The following IMMP2L variants were observed in gnomAD, a reference collection of about 807,000 sequenced individuals.
IMMP2L encodes inner mitochondrial membrane peptidase subunit 2.
Under a neutral mutation model 19.3 loss-of-function variants are expected in IMMP2L, and 18 were observed. That is an observed-to-expected ratio of 0.93 (90% confidence interval 0.64 to 1.38). The LOEUF is 1.38. Among genes scored for constraint, IMMP2L ranks in the 40% most tolerant of loss-of-function variants. The probability of loss-of-function intolerance (pLI) is 0.00; values close to 1 mark genes in which losing one functional copy is unlikely to be tolerated. For synonymous variants in IMMP2L, 76 were observed against 73.0 expected (o/e 1.04, Z -0.21); for missense variants, 233 against 218.2 (o/e 1.07, Z -0.43).
At chr7:111,263,817 G>C (rs140859422) in intron 3 of IMMP2L, among the ~76,000 whole-genome samples, 1 of 152,162 alleles carries the variant, frequency 6.6e-6, no homozygotes, top group African/African-American at 2.4e-5. Flanking sequence ...GGCTTTACTG[G>C]AAGCCAGGGG....
intron 4 of IMMP2L, among the ~76,000 whole-genome samples, chr7:110,954,240 C>G (rs1818144662): frequency 6.6e-6 from 1 of 152,112 alleles, no homozygotes; most frequent in Admixed American, 6.6e-5. Flanking sequence ...TCCAACACAG[C>G]TGGGCCACTC....
chr7:111,548,016 C>G (rs1030179937), intron 1 of IMMP2L, among the ~76,000 whole-genome samples: 2 of 152,080 alleles, frequency 1.3e-5, no homozygotes, highest in Non-Finnish European at 2.9e-5. Flanking sequence ...GCCACTGCAC[C>G]TGGCCCATCC....
At chr7:110,943,586 G>A (rs1436124471) in intron 4 of IMMP2L, among the ~76,000 whole-genome samples, 3 of 151,832 alleles carry the variant, frequency 2.0e-5, no homozygotes, top group Non-Finnish European at 4.4e-5. Context: ...TCTCCCCTGA[G>A]ACTATTAATA....
intron 3 of IMMP2L, among the ~76,000 whole-genome samples, chr7:111,172,576 G>A (rs564791095): frequency 6.6e-6 from 1 of 151,362 alleles, no homozygotes; most frequent in South Asian, 2.1e-4. Flanking sequence ...TCGTGCTAGG[G>A]AACACTAGAA....
rs1012624755 is a variant in IMMP2L at position 111,353,610 on chromosome 7, T to C, written c.239+133628A>G. 3.9e-5 allele frequency among the ~76,000 whole-genome samples: 6 copies of C among 152,232 alleles called. No individual in the cohort carries two copies. In the South Asian group the frequency reaches 8.3e-4, roughly 21 times the overall value. On this transcript the variant is annotated intron_variant, in intron 3 of 5. Transcript: ENST00000405709. The stretch of plus-strand genomic sequence containing the variant: ...AACTCAGAAAAAAGAAACTTAACTT[T>C]TCTTTATTGCATTAACACTCTTCTC...
At chr7:110,992,803 A>T (rs1268246053) in intron 3 of IMMP2L, among the ~76,000 whole-genome samples, 1 of 152,144 alleles carries the variant, frequency 6.6e-6, no homozygotes, top group African/African-American at 2.4e-5. Flanking sequence ...TGCTATAATT[A>T]ATGCTTATTC....
chr7:111,221,784 A>G (rs1234681135), intron 3 of IMMP2L, among the ~76,000 whole-genome samples: 2 of 152,070 alleles, frequency 1.3e-5, no homozygotes, highest in Non-Finnish European at 2.9e-5. Context: ...CCAAAGAGCC[A>G]AGAATAACAA....
In IMMP2L at chr7:110,877,530, A is replaced by G. The variant is rs1320585568; in HGVS notation, c.408+9063T>C. 6.6e-6 allele frequency among the ~76,000 whole-genome samples: 1 copy of G among 152,126 alleles called. No homozygotes were observed. Among genetic ancestry groups the G allele is most frequent in the Non-Finnish European group, 1.5e-5 (1 of 68,016 alleles). ...CCAAAATACAAAAATGCAAAACCAA[A>G]TGGTGAATTTATGGAATGATCAAGG... On this transcript the variant is annotated intron_variant, in intron 5 of 5. Coordinates refer to ENST00000405709, the MANE Select transcript of IMMP2L (RefSeq NM_032549.4). The surrounding 1 kb of genome is among the most constrained non-coding windows in gnomAD (Gnocchi z 4.0).
At chr7:111,025,233 C>A (rs546960798) in intron 3 of IMMP2L, among the ~76,000 whole-genome samples, 1 of 152,286 alleles carries the variant, frequency 6.6e-6, no homozygotes, top group South Asian at 2.1e-4. Flanking sequence ...AAGTGGCTCA[C>A]CACTTAATCT....
intron 3 of IMMP2L, among the ~76,000 whole-genome samples, chr7:111,087,674 C>A (rs1306891151): frequency 6.6e-6 from 1 of 151,904 alleles, no homozygotes; most frequent in Non-Finnish European, 1.5e-5. Flanking sequence ...CTAGGAGAAT[C>A]TTATATGCTA....
chr7:111,515,190 T>G (rs1325459349), intron 2 of IMMP2L, among the ~76,000 whole-genome samples: 1 of 152,126 alleles, frequency 6.6e-6, no homozygotes, highest in East Asian at 1.9e-4. Flanking sequence ...CCCAGGGAAT[T>G]TGGTGCCTGA....
intron 2 of IMMP2L, among the ~76,000 whole-genome samples, chr7:111,515,268 T>C (rs1242323989): frequency 6.6e-6 from 1 of 152,168 alleles, no homozygotes; most frequent in Non-Finnish European, 1.5e-5. Flanking sequence ...GCAGTGAATG[T>C]GAATTCAAAC....
At chr7:110,738,454 A>G (rs1413753781) in intron 5 of IMMP2L, among the ~76,000 whole-genome samples, 1 of 152,204 alleles carries the variant, frequency 6.6e-6, no homozygotes, top group Non-Finnish European at 1.5e-5. Flanking sequence ...CCATCAAACA[A>G]GCAGAAAGAA....
At chr7:110,997,027 C>T (rs1823111987) in intron 3 of IMMP2L, among the ~76,000 whole-genome samples, 1 of 151,994 alleles carries the variant, frequency 6.6e-6, no homozygotes, top group Admixed American at 6.6e-5. Context: ...TCACAAAGGG[C>T]ATTCATGCTA....
chr7:111,120,892 C>A (rs1800518595), intron 3 of IMMP2L, among the ~76,000 whole-genome samples: 1 of 150,762 alleles, frequency 6.6e-6, no homozygotes. Flanking sequence ...TGTAAGTGAA[C>A]AGTATTATTC....
intron 5 of IMMP2L, 73 bp from the exon 6 acceptor site, chr7:110,663,794 G>T: frequency 9.2e-7 from 1 of 1,083,158 alleles, no homozygotes; most frequent in Non-Finnish European, 1.3e-6. Context: ...TAGCTTGAAA[G>T]CAGAATTTAA....
intron 5 of IMMP2L, among the ~76,000 whole-genome samples, chr7:110,819,906 T>G (rs1005983103): frequency 6.6e-6 from 1 of 152,082 alleles, no homozygotes; most frequent in South Asian, 2.1e-4. Flanking sequence ...TTTTCTTAAT[T>G]TCTCTATATC....
chr7:110,848,104 G>T (rs771987576), intron 5 of IMMP2L, among the ~76,000 whole-genome samples: 1 of 152,126 alleles, frequency 6.6e-6, no homozygotes, highest in Non-Finnish European at 1.5e-5. Context: ...GAAAGATAAT[G>T]CCAAGAGAAT....
intron 5 of IMMP2L, among the ~76,000 whole-genome samples, chr7:110,713,107 A>G (rs1795004719): frequency 6.6e-6 from 1 of 152,162 alleles, no homozygotes; most frequent in African/African-American, 2.4e-5. Context: ...GTAAGGGTTC[A>G]GTTTCTTTCT....
Sources: allele counts gnomAD v4.1 joint callset (sites outside exome capture counted in the v4.1 genomes callset), GRCh38; gene constraint gnomAD v4.1.1; non-coding constraint Gnocchi (gnomAD v3.1); transcripts MANE v1.5; gene names NCBI Gene and HGNC (gene_info 2026-07-23, HGNC 2026-07-21).